Variants in PLXDC2 observed in about 807,000 individuals in gnomAD.
PLXDC2 encodes plexin domain containing 2, also known as plexin domain-containing protein 2.
Under a neutral mutation model 68.9 loss-of-function variants are expected in PLXDC2, and 40 were observed. The observed-to-expected ratio is 0.58, with a 90% CI of 0.45 to 0.76. The LOEUF (loss-of-function observed/expected upper bound fraction) is 0.76, where lower values mean the gene tolerates loss of function less well. PLXDC2 is among the 30% of genes least tolerant of loss of function. The pLI is 0.00. For synonymous variants in PLXDC2, 243 were observed against 234.2 expected, an observed-to-expected ratio of 1.04 and a Z score of -0.34; for missense variants, 644 against 661.9, an observed-to-expected ratio of 0.97 and a Z score of 0.30.
At chr10:19,952,910 C>CT (rs199894305) in intron 1 of PLXDC2, among the ~76,000 whole-genome samples, 1,758 of 151,312 alleles carry the variant, frequency 0.012, 36 homozygotes, top group African/African-American at 0.039. Context: ...TTTTTTTCTT[C>CT]TTTTTTTTTG....
At chr10:20,055,096 A>G (rs568057083) in intron 3 of PLXDC2, among the ~76,000 whole-genome samples, 7 of 152,258 alleles carry the variant, frequency 4.6e-5, no homozygotes, top group African/African-American at 1.7e-4. Context: ...TTCTCTGTCT[A>G]TCTCACTCTA....
At chr10:19,855,895 C>T (rs1392479182) in intron 1 of PLXDC2, among the ~76,000 whole-genome samples, 1 of 152,020 alleles carries the variant, frequency 6.6e-6, no homozygotes, top group African/African-American at 2.4e-5. Context: ...ACCATCCTGG[C>T]TAACATGGTG....
intron 5 of PLXDC2, among the ~76,000 whole-genome samples, chr10:20,147,322 T>A (rs2131797095): frequency 6.6e-6 from 1 of 152,286 alleles, no homozygotes; most frequent in African/African-American, 2.4e-5. Context: ...ACTCCTTCAA[T>A]GTGGAAAAGT....
chr10:20,248,394 T>C lies in PLXDC2; in HGVS notation c.1473+2889T>C, dbSNP rs186823289. ...TCTTAGAGATAATTTAGTTCTATACTCTCCTAACACAAAAGGAGAGACTGA... is the reference window on the plus strand; with the variant it reads ...TCTTAGAGATAATTTAGTTCTATACCCTCCTAACACAAAAGGAGAGACTGA... On this transcript the variant is annotated intron_variant, in intron 13 of 13. Transcript: ENST00000377252. Among the ~76,000 whole-genome samples, 371 of 152,288 alleles carry C rather than the reference T, an allele frequency of 2.4e-3. 2 individuals are homozygous for C. The highest frequency in any genetic ancestry group is 8.3e-3 in the Admixed American group (127 of 15,308).
chr10:20,022,933 C>T (rs1383970850), intron 2 of PLXDC2, among the ~76,000 whole-genome samples: 1 of 151,704 alleles, frequency 6.6e-6, no homozygotes, highest in Non-Finnish European at 1.5e-5. Flanking sequence ...TGACCAATAC[C>T]TTGGATTATT....
At chr10:20,104,486 T>C (rs1395721632) in intron 4 of PLXDC2, among the ~76,000 whole-genome samples, 1 of 152,192 alleles carries the variant, frequency 6.6e-6, no homozygotes, top group Non-Finnish European at 1.5e-5. Flanking sequence ...CATTCTGTAA[T>C]ACATATTTTT....
chr10:20,068,620 A>G (rs149970971), intron 4 of PLXDC2, among the ~76,000 whole-genome samples: 2,151 of 147,744 alleles, frequency 0.015, 56 homozygotes, highest in African/African-American at 0.05. Flanking sequence ...TATATTATAT[A>G]TATATAATAT....
At chr10:20,019,241 A>G (rs903569834) in intron 2 of PLXDC2, among the ~76,000 whole-genome samples, 1 of 152,220 alleles carries the variant, frequency 6.6e-6, no homozygotes, top group Non-Finnish European at 1.5e-5. Context: ...GATTGTAACA[A>G]TTTCTACAGA....
chr10:19,907,676 C>T (rs1833189984), intron 1 of PLXDC2, among the ~76,000 whole-genome samples: 1 of 152,202 alleles, frequency 6.6e-6, no homozygotes, highest in Non-Finnish European at 1.5e-5. Context: ...AATGCTTCAA[C>T]AGAAAACAGG....
chr10:19,897,313 C>T (rs1052670787), intron 1 of PLXDC2, among the ~76,000 whole-genome samples: 9 of 151,494 alleles, frequency 5.9e-5, no homozygotes, highest in Non-Finnish European at 1.2e-4. Context: ...GATCTCGGCT[C>T]ACCGCAACCT....
At chr10:19,849,646 G>C (rs1837078924) in intron 1 of PLXDC2, among the ~76,000 whole-genome samples, 1 of 152,042 alleles carries the variant, frequency 6.6e-6, no homozygotes, top group Admixed American at 6.6e-5. Flanking sequence ...CTTCCACCAT[G>C]ATTGTAAGTT....
rs4026632 is a variant in PLXDC2 at position 20,220,838 on chromosome 10, C to CTTTT, written c.1312+1753_1312+1756dup. ...ATGTCTCCACTCCTTGCTCTTAACACTTTTTTTTTTTTTTTTTTTTGAGAC... is the reference window on the plus strand; with the variant it reads ...ATGTCTCCACTCCTTGCTCTTAACACTTTTTTTTTTTTTTTTTTTTTTTTGAGAC... On this transcript the variant is annotated intron_variant, in intron 12 of 13. Coordinates refer to ENST00000377252, the MANE Select transcript of PLXDC2 (RefSeq NM_032812.9). Among the ~76,000 whole-genome samples the CTTTT allele has an allele frequency of 6.6e-4, 77 of 116,456 alleles. 1 individual carries two copies. The highest frequency in any genetic ancestry group is 9.1e-4 in the Non-Finnish European group (54 of 59,260). 76.4% of individuals were successfully genotyped at this position (116,456 alleles called of 152,430 possible). A position where few individuals can be genotyped will look rare whatever the true frequency, so the allele number is the denominator to read the frequency against.
chr10:20,123,676 T>G, intron 4 of PLXDC2, among the ~76,000 whole-genome samples: 5 of 146,950 alleles, frequency 3.4e-5, no homozygotes, highest in East Asian at 4.1e-4. Flanking sequence ...AAAGAGAGAG[T>G]AGAGACACGG....
At chr10:20,058,239 T>C (rs1413792285) in intron 3 of PLXDC2, among the ~76,000 whole-genome samples, 2 of 152,152 alleles carry the variant, frequency 1.3e-5, no homozygotes, top group Non-Finnish European at 2.9e-5. Context: ...GCATTTAGGG[T>C]ACCCATCACA....
intron 2 of PLXDC2, among the ~76,000 whole-genome samples, chr10:20,028,111 CA>C (rs1170719339): frequency 6.6e-6 from 1 of 152,128 alleles, no homozygotes. Context: ...ATGTAGAGTA[CA>C]GTGTGTTGCA....
At chr10:20,234,530 G>C (rs1428264828) in intron 12 of PLXDC2, among the ~76,000 whole-genome samples, 1 of 152,110 alleles carries the variant, frequency 6.6e-6, no homozygotes, top group East Asian at 1.9e-4. Context: ...CTGTACAAGT[G>C]TTGCTCAGTG....
chr10:20,233,998 T>TA lies in PLXDC2; in HGVS notation c.1313-11347_1313-11346insA, dbSNP rs1013254757. ...CCCATGCCCACCTACTTTTTTTTTT[T>TA]TTATTTTTTGTAGAGATGCTATCTC... On this transcript the variant is annotated intron_variant, in intron 12 of 13. Transcript: ENST00000377252. Among the ~76,000 whole-genome samples the TA allele has an allele frequency of 3.2e-4, 48 of 151,344 alleles. 1 individual carries two copies. The highest frequency in any genetic ancestry group is 4.9e-4 in the Non-Finnish European group (33 of 67,774).
intron 4 of PLXDC2, among the ~76,000 whole-genome samples, chr10:20,103,242 T>A (rs1833445878): frequency 6.6e-6 from 1 of 152,198 alleles, no homozygotes; most frequent in African/African-American, 2.4e-5. Context: ...ACAGTGCATA[T>A]ATAAAAATGA....
chr10:20,106,750 A>G (rs1222527462), intron 4 of PLXDC2, among the ~76,000 whole-genome samples: 1 of 151,742 alleles, frequency 6.6e-6, no homozygotes, highest in African/African-American at 2.4e-5. Flanking sequence ...CTTTCAGAAC[A>G]CTCACCTAGC....
Sources: gnomAD v4.1 joint callset for allele counts (sites outside exome capture counted in the v4.1 genomes callset) on GRCh38, gnomAD v4.1.1 for gene constraint, MANE v1.5 for transcripts, NCBI Gene and HGNC (gene_info 2026-07-23, HGNC 2026-07-21) for gene names.